The following PODXL2 variants were observed in gnomAD, a reference collection of about 807,000 sequenced individuals.
PODXL2 encodes the protein podocalyxin like 2.
In PODXL2, 17 loss-of-function variants were observed where a neutral mutation model predicts 53.4. The ratio of observed to expected loss-of-function variants is 0.32; its 90% confidence interval spans 0.22 to 0.48. The LOEUF (loss-of-function observed/expected upper bound fraction) is 0.48. Among genes scored for constraint, PODXL2 ranks in the 20% least tolerant of loss-of-function variants. PODXL2 has a pLI of 0.99. For synonymous variants in PODXL2, 311 were observed against 306.7 expected (o/e 1.01, Z -0.15); for missense variants, 673 against 760.0 (o/e 0.89, Z 1.35).
At chr3:127,637,628 C>T (rs906211788) in intron 1 of PODXL2, among the ~76,000 whole-genome samples, 1 of 152,178 alleles carries the variant, frequency 6.6e-6, no homozygotes, top group African/African-American at 2.4e-5. Flanking sequence ...AACCTATTTC[C>T]TGGTACCAGG....
At chr3:127,651,409 C>T (rs968413388) in intron 2 of PODXL2, among the ~76,000 whole-genome samples, 1 of 152,224 alleles carries the variant, frequency 6.6e-6, no homozygotes, top group Non-Finnish European at 1.5e-5. Flanking sequence ...AGACTATGTA[C>T]ATTGTTTCCT....
chr3:127,631,020 C>G (rs1283450037), intron 1 of PODXL2, among the ~76,000 whole-genome samples: 4 of 152,212 alleles, frequency 2.6e-5, no homozygotes, highest in Non-Finnish European at 4.4e-5. Flanking sequence ...CGTGCATGCT[C>G]TTCATGACGC....
chr3:127,669,189 G>A lies in PODXL2; in HGVS notation c.1412G>A (p.Arg471Lys), dbSNP rs375135296. The A allele has an allele frequency of 6.2e-7, 1 of 1,606,554 alleles. No homozygotes were observed. The highest frequency in any genetic ancestry group is 1.3e-5 in the African/African-American group (1 of 74,596). The part of the protein sequence containing the change: ...DVLSMLGDIR[R>K]SLEEIGIQNY... ...CTTTCCATGCTGGGTGACATCCGCA[G>A]GAGCCTGGAGGAGGTAAGAGTGCAG... is the stretch of plus-strand genomic sequence containing the variant. Residue 471 changes from arginine (R) to lysine (K), a missense_variant, in exon 6 of 8, where the codon AGG becomes AAG. By Grantham distance (26) the Arg-to-Lys change is conservative. This residue lies in a region of PODXL2 where 588 missense variants were observed against 668.3 expected (regional missense o/e 0.88). Transcript: ENST00000342480.
chr3:127,656,658 C>G lies in PODXL2; in HGVS notation c.350-3720C>G, dbSNP rs564834860. 8.2e-3 allele frequency among the ~76,000 whole-genome samples: 1,154 copies of G among 140,362 alleles called. 6 individuals carry two copies. The highest frequency in any genetic ancestry group is 0.014 in the Non-Finnish European group (906 of 66,072). The allele number at this position is 140,362 out of a possible 152,430, so 92.1% of individuals were successfully genotyped here. ...GCTGAGGCAGGAGAATTGCTTGAAC[C>G]TGGGAGACAGAGGTTGCAGTGAGCC... On this transcript the variant is annotated intron_variant, in intron 2 of 7. Transcript: ENST00000342480.
At chr3:127,665,057 A>C in intron 4 of PODXL2, among the ~76,000 whole-genome samples, 1 of 152,196 alleles carries the variant, frequency 6.6e-6, no homozygotes, top group Admixed American at 6.5e-5. Context: ...AATGGTCAAA[A>C]TCAGGAATTA....
At chr3:127,649,095 T>C (rs1446834373) in intron 2 of PODXL2, among the ~76,000 whole-genome samples, 1 of 151,990 alleles carries the variant, frequency 6.6e-6, no homozygotes, top group Non-Finnish European at 1.5e-5. Flanking sequence ...CCCAGCTCTT[T>C]CCAGACTTTT....
chr3:127,646,002 A>G (rs939277778), intron 2 of PODXL2, among the ~76,000 whole-genome samples: 6 of 152,224 alleles, frequency 3.9e-5, no homozygotes, highest in African/African-American at 1.4e-4. Flanking sequence ...CATTAGGGAC[A>G]TTGAACTCCA....
In PODXL2 at chr3:127,668,434, C is replaced by A; in HGVS notation, c.1207-7C>A. 1 of 1,519,422 alleles carries A rather than the reference C, an allele frequency of 6.6e-7. No homozygotes were observed. Among genetic ancestry groups the A allele is most frequent in the South Asian group, 1.3e-5 (1 of 76,070 alleles). The allele number at this position is 1,519,422 out of a possible 1,614,324, so 94.1% of individuals were successfully genotyped here. ...CTGAACACGGGGGGCTCTTTCTGCC[C>A]TTGTAGGAGGTGTTCCGGCAGCACC... On this transcript the variant is annotated splice_polypyrimidine_tract_variant and splice_region_variant and intron_variant, in intron 4 of 7. Coordinates refer to ENST00000342480, the MANE Select transcript of PODXL2 (RefSeq NM_015720.4).
intron 2 of PODXL2, among the ~76,000 whole-genome samples, chr3:127,649,445 C>CT (rs1477387648): frequency 1.1e-4 from 17 of 152,366 alleles, no homozygotes; most frequent in Admixed American, 2.6e-4. Context: ...GAATATTTGT[C>CT]TTTAAAGCTT....
At position 127,629,736 on chromosome 3, in the gene PODXL2, C is replaced by A. The variant is rs1029821182; in HGVS notation, c.70+447C>A. On this transcript the variant is annotated intron_variant, in intron 1 of 7. Transcript: ENST00000342480. The surrounding 1 kb of genome is among the most constrained non-coding windows in gnomAD (Gnocchi z 6.4). ...GCCGCATTGTGAAGGTCCCAGGGGC[C>A]GCCTGCGGAGTGTGGGGCGGGTACG... Among the ~76,000 whole-genome samples the A allele has an allele frequency of 6.6e-6, 1 of 152,050 alleles. No individual in the cohort carries two copies. The highest frequency in any genetic ancestry group is 2.4e-5 in the African/African-American group (1 of 41,382).
chr3:127,643,360 G>A (rs2074633289), intron 2 of PODXL2, among the ~76,000 whole-genome samples: 1 of 151,960 alleles, frequency 6.6e-6, no homozygotes, highest in Non-Finnish European at 1.5e-5. Flanking sequence ...ATAGGCATGT[G>A]CCACCACGCC....
intron 6 of PODXL2, 75 bp downstream of exon 6, chr3:127,669,277 G>A (rs2074815715): frequency 3.8e-6 from 4 of 1,040,766 alleles, no homozygotes; most frequent in Admixed American, 2.1e-5. Context: ...AGTCCCAGGA[G>A]TCTGCCCACA....
intron 1 of PODXL2, among the ~76,000 whole-genome samples, chr3:127,632,504 C>T (rs1300233703): frequency 1.3e-5 from 2 of 152,230 alleles, no homozygotes; most frequent in East Asian, 3.8e-4. Context: ...GTTCATGGCC[C>T]TCTCAAAGGC....
chr3:127,640,656 G>A (rs972310145), intron 2 of PODXL2, among the ~76,000 whole-genome samples: 5 of 151,604 alleles, frequency 3.3e-5, no homozygotes, highest in East Asian at 1.9e-4. Flanking sequence ...AGCTGAGATC[G>A]CACCACTGCT....
Position 127,629,195 on chromosome 3 carries a change from G to C in PODXL2, c.-25G>C. ...GCGGGCCCGGGCGCCGCGCCGCTGC[G>C]GCTGCAGGCGGCGACGGCTACACCA... On this transcript the variant is annotated 5_prime_UTR_variant, in exon 1 of 8. Transcript: ENST00000342480. This position sits in a 1 kb window ranked among gnomAD's most constrained non-coding sequence, Gnocchi z 6.4. 1 of 982,544 alleles carries C rather than the reference G, an allele frequency of 1.0e-6. No individual in the cohort carries two copies. The allele number at this position is 982,544 out of a possible 1,614,324, so 60.9% of individuals were successfully genotyped here. A position where few individuals can be genotyped will look rare whatever the true frequency, so the allele number is the denominator to read the frequency against.
chr3:127,656,465 G>A (rs565937075), intron 2 of PODXL2, among the ~76,000 whole-genome samples: 70 of 152,118 alleles, frequency 4.6e-4, no homozygotes, highest in Middle Eastern at 3.4e-3. Context: ...TGTTGGGCGC[G>A]GTGGTTCACG....
chr3:127,657,087 C>T (rs1364199401), intron 2 of PODXL2, among the ~76,000 whole-genome samples: 2 of 152,162 alleles, frequency 1.3e-5, no homozygotes, highest in African/African-American at 2.4e-5. Flanking sequence ...AGGGACTTAC[C>T]ACTGCGTGCG....
Position 127,629,362 on chromosome 3 carries a change from C to A in PODXL2, c.70+73C>A. ...GCGCGGTGCTGGACAGCTCCCCGGG[C>A]CGCCAACAAAGGGGCCAGAGTGCGG... is the stretch of plus-strand genomic sequence containing the variant. On this transcript the variant is annotated intron_variant, in intron 1 of 7. Coordinates refer to ENST00000342480, the MANE Select transcript of PODXL2 (RefSeq NM_015720.4). This position sits in a 1 kb window ranked among gnomAD's most constrained non-coding sequence, Gnocchi z 6.4. 1.0e-6 allele frequency: 1 copy of A among 995,228 alleles called. No homozygotes were observed. The highest frequency in any genetic ancestry group is 1.2e-6 in the Non-Finnish European group (1 of 836,562). The allele number at this position is 995,228 out of a possible 1,614,324, so 61.6% of individuals were successfully genotyped here. A position where few individuals can be genotyped will look rare whatever the true frequency, so the allele number is the denominator to read the frequency against.
At chr3:127,651,942 C>T (rs1180723304) in intron 2 of PODXL2, among the ~76,000 whole-genome samples, 4 of 152,204 alleles carry the variant, frequency 2.6e-5, no homozygotes, top group African/African-American at 7.2e-5. Context: ...GGGCTCTTAA[C>T]GCCAGCCACT....
Sources: allele counts gnomAD v4.1 joint callset (sites outside exome capture counted in the v4.1 genomes callset), GRCh38; gene constraint gnomAD v4.1.1; regional missense constraint gnomAD v4.1.1; non-coding constraint Gnocchi (gnomAD v3.1); transcripts MANE v1.5; gene names NCBI Gene and HGNC (gene_info 2026-07-23, HGNC 2026-07-21).